The following UBR3 variants were observed in gnomAD, a reference collection of about 807,000 sequenced individuals.
UBR3 encodes the protein ubiquitin protein ligase E3 component n-recognin 3, also known as E3 ubiquitin-protein ligase UBR3.
UBR3 carries 85 observed loss-of-function variants against 243.2 expected under a neutral mutation model. The observed-to-expected ratio is 0.35, with a 90% CI of 0.29 to 0.42. The LOEUF (loss-of-function observed/expected upper bound fraction) is 0.42, where lower values mean the gene tolerates loss of function less well. Among genes scored for constraint, UBR3 ranks in the 10% least tolerant of loss-of-function variants. UBR3 has a pLI of 1.00. For missense variants in UBR3, 1,686 were observed against 2,300.8 expected (o/e 0.73, Z 5.47); for synonymous variants, 748 against 799.8 (o/e 0.94, Z 1.09).
chr2:169,967,182 G>C (rs1312962216), intron 24 of UBR3, among the ~76,000 whole-genome samples: 1 of 151,944 alleles, frequency 6.6e-6, no homozygotes, highest in Non-Finnish European at 1.5e-5. Flanking sequence ...AAGAAGTTTT[G>C]CATGCTCTTT....
At chr2:169,967,111 T>TAGAGAG (rs2087848761) in intron 24 of UBR3, among the ~76,000 whole-genome samples, 1 of 152,108 alleles carries the variant, frequency 6.6e-6, no homozygotes, top group Non-Finnish European at 1.5e-5. Flanking sequence ...TGCCTAGGCT[T>TAGAGAG]AGAGAGATTA....
At chr2:169,905,919 G>A in intron 9 of UBR3, 112 bp from the exon 10 acceptor site, 3 of 1,158,094 alleles carry the variant, frequency 2.6e-6, no homozygotes, top group Non-Finnish European at 3.6e-6. Flanking sequence ...TACTGTGTCA[G>A]TAATGCTATT....
chr2:169,878,860 AG>A (rs1207996422), intron 5 of UBR3, among the ~76,000 whole-genome samples: 2 of 152,186 alleles, frequency 1.3e-5, no homozygotes, highest in African/African-American at 4.8e-5. Flanking sequence ...AGAAAGAGGT[AG>A]AGATTTCTCC....
chr2:169,831,301 G>A (rs1290356950), intron 1 of UBR3, among the ~76,000 whole-genome samples: 9 of 149,426 alleles, frequency 6.0e-5, no homozygotes, highest in South Asian at 2.1e-4. Flanking sequence ...CACCACACCC[G>A]GCTAATTTTT....
At chr2:169,972,481 A>G (rs372473593) in intron 24 of UBR3, among the ~76,000 whole-genome samples, 1 of 152,250 alleles carries the variant, frequency 6.6e-6, no homozygotes, top group Non-Finnish European at 1.5e-5. Context: ...TTTTAGATCA[A>G]TATCCTTGAT....
chr2:169,916,600 GCCTTGGCTCTGATGCCT>G (rs1465245486), intron 11 of UBR3, among the ~76,000 whole-genome samples: 6 of 152,060 alleles, frequency 3.9e-5, no homozygotes. Flanking sequence ...TCCTCATTCT[GCCTTGGCTCTGATGCCT>G]CCTGCTCTTT....
chr2:170,038,895 G>C (rs2090896027), intron 31 of UBR3, among the ~76,000 whole-genome samples: 1 of 152,032 alleles, frequency 6.6e-6, no homozygotes, highest in Non-Finnish European at 1.5e-5. Context: ...GTGGGAGTGT[G>C]CGTATAGAGA....
intron 31 of UBR3, among the ~76,000 whole-genome samples, chr2:170,037,731 A>G (rs1423378924): frequency 6.6e-6 from 1 of 152,234 alleles, no homozygotes; most frequent in Admixed American, 6.5e-5. Context: ...TCATAAATTA[A>G]TCTGGGAAAG....
At chr2:169,839,598 A>T (rs1190134045) in intron 1 of UBR3, among the ~76,000 whole-genome samples, 1 of 152,232 alleles carries the variant, frequency 6.6e-6, no homozygotes, top group African/African-American at 2.4e-5. Context: ...GATCTTTACA[A>T]ATTATATGAA....
intron 11 of UBR3, among the ~76,000 whole-genome samples, chr2:169,922,435 A>G (rs1373194029): frequency 6.6e-6 from 1 of 152,048 alleles, no homozygotes; most frequent in Non-Finnish European, 1.5e-5. Context: ...TTAAAATTTT[A>G]TTTTTAATTG....
At chr2:169,953,533 A>G (rs6742080) in intron 23 of UBR3, among the ~76,000 whole-genome samples, 14,817 of 152,228 alleles carry the variant, frequency 0.097, 858 homozygotes, top group African/African-American at 0.16. Context: ...GTTGTCCTGA[A>G]TCTGCCAGAA....
intron 24 of UBR3, among the ~76,000 whole-genome samples, chr2:169,978,454 C>T (rs929600993): frequency 6.6e-6 from 1 of 151,930 alleles, no homozygotes; most frequent in Non-Finnish European, 1.5e-5. Context: ...GGTTGTTTAC[C>T]CCGGGGGAAC....
chr2:170,027,244 T>C (rs1249726080), intron 30 of UBR3, among the ~76,000 whole-genome samples: 1 of 151,522 alleles, frequency 6.6e-6, no homozygotes, highest in African/African-American at 2.4e-5. Context: ...ACTTACATAC[T>C]ATAGATTTAT....
chr2:170,049,747 A>G (rs1339032110), intron 32 of UBR3, among the ~76,000 whole-genome samples: 1 of 152,030 alleles, frequency 6.6e-6, no homozygotes, highest in African/African-American at 2.4e-5. Context: ...CTGTTTTGAT[A>G]CTTGTCTGAC....
intron 24 of UBR3, among the ~76,000 whole-genome samples, chr2:169,962,783 T>A (rs2087639634): frequency 6.6e-6 from 1 of 152,216 alleles, no homozygotes; most frequent in Non-Finnish European, 1.5e-5. Context: ...TAAATTATCC[T>A]TCTAAATTGC....
At chr2:170,008,359 T>G (rs2089984954) in intron 28 of UBR3, among the ~76,000 whole-genome samples, 1 of 152,214 alleles carries the variant, frequency 6.6e-6, no homozygotes, top group Admixed American at 6.5e-5. Flanking sequence ...GAAGACTAAT[T>G]TTAGAATTTG....
chr2:170,055,461 C>A lies in UBR3; in HGVS notation c.4662C>A (p.Asp1554Glu). Residue 1554 changes from aspartate (D) to glutamate (E), a missense_variant and splice_region_variant, in exon 33 of 39, where the codon GAC (aspartate) becomes GAA (glutamate). Transcript: ENST00000272793. Reference protein sequence around the residue: ...ILMMPQPLRKDHFTCIVKVLF... With the variant: ...ILMMPQPLRKEHFTCIVKVLF... Reference sequence around the variant, plus strand: ...ATAATGATTTTTTTTCTCTTGCAGACCACTTTACCTGCATTGTGAAGGTAC... The same window carrying A: ...ATAATGATTTTTTTTCTCTTGCAGAACACTTTACCTGCATTGTGAAGGTAC... 1.2e-6 allele frequency: 2 copies of A among 1,611,532 alleles called. No individual in the cohort carries two copies. Among genetic ancestry groups the A allele is most frequent in the Non-Finnish European group, 1.7e-6 (2 of 1,179,026 alleles).
At chr2:169,841,905 G>A (rs898146059) in intron 1 of UBR3, among the ~76,000 whole-genome samples, 1 of 152,250 alleles carries the variant, frequency 6.6e-6, no homozygotes, top group Non-Finnish European at 1.5e-5. Flanking sequence ...CCACCCAAGG[G>A]CTGAGGAATG....
intron 8 of UBR3, among the ~76,000 whole-genome samples, chr2:169,897,087 T>C (rs1214045109): frequency 6.6e-6 from 1 of 152,156 alleles, no homozygotes; most frequent in African/African-American, 2.4e-5. Flanking sequence ...AAATACTTTT[T>C]AAAAAGTTGC....
Sources: gnomAD v4.1 joint callset for allele counts (sites outside exome capture counted in the v4.1 genomes callset) on GRCh38, gnomAD v4.1.1 for gene constraint, MANE v1.5 for transcripts, NCBI Gene and HGNC (gene_info 2026-07-23, HGNC 2026-07-21) for gene names.